The following PCDH9 variants were observed in gnomAD, a reference collection of about 807,000 sequenced individuals.
The protein encoded by PCDH9 is protocadherin-9.
PCDH9 carries 24 observed loss-of-function variants against 70.6 expected under a neutral mutation model. The observed-to-expected ratio is 0.34, with a 90% CI of 0.25 to 0.48. The LOEUF is 0.48. PCDH9 is among the 20% of genes least tolerant of loss of function. The probability of loss-of-function intolerance (pLI) is 0.99; values close to 1 mark genes in which losing one functional copy is unlikely to be tolerated. For synonymous variants in PCDH9, 562 were observed against 558.5 expected (o/e 1.01, Z -0.09); for missense variants, 1,281 against 1,503.6 (o/e 0.85, Z 2.45).
At chr13:66,491,487 G>C in intron 4 of PCDH9, among the ~76,000 whole-genome samples, 1 of 151,388 alleles carries the variant, frequency 6.6e-6, no homozygotes, top group East Asian at 2.0e-4. Context: ...AGCGAGGAAT[G>C]TAAATATCCC....
intron 2 of PCDH9, among the ~76,000 whole-genome samples, chr13:66,908,787 A>G (rs1425988927): frequency 6.6e-6 from 1 of 152,120 alleles, no homozygotes; most frequent in Non-Finnish European, 1.5e-5. Flanking sequence ...TTTAATCATA[A>G]CTAGAAAATG....
At chr13:67,017,885 T>C (rs1272684208) in intron 2 of PCDH9, among the ~76,000 whole-genome samples, 2 of 152,170 alleles carry the variant, frequency 1.3e-5, no homozygotes. Flanking sequence ...AAGTACTCCA[T>C]AAAGTACATA....
intron 2 of PCDH9, among the ~76,000 whole-genome samples, chr13:67,140,226 C>T (rs911606112): frequency 6.6e-6 from 1 of 152,062 alleles, no homozygotes; most frequent in East Asian, 1.9e-4. Flanking sequence ...GTGTCTGGCT[C>T]ACATTGCCAG....
intron 4 of PCDH9, among the ~76,000 whole-genome samples, chr13:66,343,135 C>T (rs936348736): frequency 6.6e-6 from 1 of 152,112 alleles, no homozygotes; most frequent in African/African-American, 2.4e-5. Flanking sequence ...ATAATAGTTA[C>T]AATGCAGATG....
intron 2 of PCDH9, among the ~76,000 whole-genome samples, chr13:67,079,578 A>G (rs1428242801): frequency 6.6e-6 from 1 of 152,162 alleles, no homozygotes; most frequent in South Asian, 2.1e-4. Flanking sequence ...ACCAAAATAT[A>G]TTTCTTTAAC....
At chr13:66,828,000 A>G (rs1273097539) in intron 3 of PCDH9, among the ~76,000 whole-genome samples, 2 of 152,204 alleles carry the variant, frequency 1.3e-5, no homozygotes, top group African/African-American at 4.8e-5. Context: ...ATAAAAATAG[A>G]TCGCATCTTC....
intron 4 of PCDH9, among the ~76,000 whole-genome samples, chr13:66,574,161 T>G (rs572850882): frequency 6.6e-6 from 1 of 152,318 alleles, no homozygotes; most frequent in South Asian, 2.1e-4. Context: ...ACATTCTTAG[T>G]TGAGCCATTG....
rs376657288 is a variant in PCDH9, at chr13:66,991,710, C to T, written c.3037-88105G>A. 2.4e-4 allele frequency among the ~76,000 whole-genome samples: 36 copies of T among 151,784 alleles called. 1 individual carries two copies. The highest frequency in any genetic ancestry group is 1.5e-3 in the East Asian group (8 of 5,174). ...GATGTGAAAACAAACAAACAGAATC[C>T]GAAACAAAATGAATTCTGTATTTCA... On this transcript the variant is annotated intron_variant, in intron 2 of 4. Transcript: ENST00000377865.
intron 4 of PCDH9, among the ~76,000 whole-genome samples, chr13:66,402,459 T>A (rs1957205002): frequency 6.6e-6 from 1 of 152,044 alleles, no homozygotes; most frequent in Non-Finnish European, 1.5e-5. Flanking sequence ...TATAACTGGG[T>A]ATATAGAGTA....
intron 3 of PCDH9, among the ~76,000 whole-genome samples, chr13:66,681,019 T>C (rs2139059430): frequency 6.6e-6 from 1 of 152,126 alleles, no homozygotes; most frequent in African/African-American, 2.4e-5. Flanking sequence ...ACTACCCTTA[T>C]TCAAATTCTA....
intron 3 of PCDH9, among the ~76,000 whole-genome samples, chr13:66,851,704 T>A (rs1447621533): frequency 6.6e-6 from 1 of 152,148 alleles, no homozygotes; most frequent in Admixed American, 6.6e-5. Flanking sequence ...ACTGTAGACT[T>A]GGGTTCTTTG....
At chr13:66,812,479 T>C (rs1368775172) in intron 3 of PCDH9, among the ~76,000 whole-genome samples, 1 of 152,182 alleles carries the variant, frequency 6.6e-6, no homozygotes, top group African/African-American at 2.4e-5. Flanking sequence ...ATTAATGTAC[T>C]CTGATGATAC....
intron 4 of PCDH9, among the ~76,000 whole-genome samples, chr13:66,488,490 A>G (rs1958982926): frequency 6.6e-6 from 1 of 152,202 alleles, no homozygotes; most frequent in African/African-American, 2.4e-5. Context: ...TAAATCGTGA[A>G]GCAAAGATGA....
At chr13:66,318,557 A>G (rs141000045) in intron 4 of PCDH9, among the ~76,000 whole-genome samples, 9 of 152,282 alleles carry the variant, frequency 5.9e-5, no homozygotes, top group Admixed American at 2.6e-4. Flanking sequence ...TGAAGATAAA[A>G]TTTGCATGCA....
At chr13:66,781,886 T>TCAAA (rs3042287) in intron 3 of PCDH9, among the ~76,000 whole-genome samples, 147,672 of 151,992 alleles carry the variant, frequency 0.97, 71,880 homozygotes, top group East Asian at 1. Flanking sequence ...CATCTCGGGC[T>TCAAA]CAATCAAAAG....
At chr13:66,719,207 G>A (rs1273932706) in intron 3 of PCDH9, among the ~76,000 whole-genome samples, 1 of 152,082 alleles carries the variant, frequency 6.6e-6, no homozygotes, top group Non-Finnish European at 1.5e-5. Context: ...GTAGCTAGAT[G>A]GACTTAGACA....
intron 3 of PCDH9, among the ~76,000 whole-genome samples, chr13:66,791,496 T>C (rs1028264825): frequency 1.3e-5 from 2 of 152,130 alleles, no homozygotes; most frequent in African/African-American, 4.8e-5. Flanking sequence ...GGTGCAAAAG[T>C]AATTGCAGTT....
At chr13:66,538,588 G>A (rs937135460) in intron 4 of PCDH9, among the ~76,000 whole-genome samples, 1 of 151,886 alleles carries the variant, frequency 6.6e-6, no homozygotes. Context: ...CAAAGGAAGT[G>A]TGTTGGCAGA....
chr13:66,475,655 G>A (rs1594038614), intron 4 of PCDH9, among the ~76,000 whole-genome samples: 1 of 151,940 alleles, frequency 6.6e-6, no homozygotes, highest in African/African-American at 2.4e-5. Flanking sequence ...CAATAAACAT[G>A]TATTTGATAC....
Sources: gnomAD v4.1 joint callset for allele counts (sites outside exome capture counted in the v4.1 genomes callset) on GRCh38, gnomAD v4.1.1 for gene constraint, MANE v1.5 for transcripts, NCBI Gene and HGNC (gene_info 2026-07-23, HGNC 2026-07-21) for gene names.